Variants in AFF3 observed in about 807,000 individuals in gnomAD.
AFF3 encodes ALF transcription elongation factor 3.
Under a neutral mutation model 129.7 loss-of-function variants are expected in AFF3, and 32 were observed. That is an observed-to-expected ratio of 0.25 (90% CI 0.19 to 0.33). AFF3 has a LOEUF of 0.33. Among genes scored for constraint, AFF3 ranks in the 10% least tolerant of loss-of-function variants. The probability of loss-of-function intolerance (pLI) is 1.00; values close to 1 mark genes in which losing one functional copy is unlikely to be tolerated. For missense variants in AFF3, 1,373 were observed against 1,592.0 expected (o/e 0.86, Z 2.34); for synonymous variants, 644 against 635.4 (o/e 1.01, Z -0.20).
At chr2:99,791,827 CTTTTTTT>C (rs112734176) in intron 8 of AFF3, among the ~76,000 whole-genome samples, 4 of 141,428 alleles carry the variant, frequency 2.8e-5, no homozygotes, top group African/African-American at 1.0e-4. Flanking sequence ...TTGTGTTTTT[CTTTTTTT>C]TTTTTTTAAT....
intron 4 of AFF3, among the ~76,000 whole-genome samples, chr2:100,054,144 G>A (rs1686580578): frequency 6.6e-6 from 1 of 152,150 alleles, no homozygotes; most frequent in African/African-American, 2.4e-5. Context: ...GCTGTGGAGT[G>A]AGAAGACCTA....
intron 7 of AFF3, among the ~76,000 whole-genome samples, chr2:99,922,648 A>G (rs1695935983): frequency 6.6e-6 from 1 of 152,216 alleles, no homozygotes; most frequent in Non-Finnish European, 1.5e-5. Context: ...TGCATTCATC[A>G]CAACTGAGTG....
At chr2:100,015,428 GA>G (rs1682930543) in intron 4 of AFF3, among the ~76,000 whole-genome samples, 1 of 152,116 alleles carries the variant, frequency 6.6e-6, no homozygotes. Flanking sequence ...GGAGGAAGAA[GA>G]AAAGGCATAA....
intron 7 of AFF3, among the ~76,000 whole-genome samples, chr2:99,956,810 G>T (rs1209408827): frequency 6.6e-6 from 1 of 152,186 alleles, no homozygotes; most frequent in African/African-American, 2.4e-5. Context: ...GAGAGGAACA[G>T]AAAATGGAAT....
intron 13 of AFF3, among the ~76,000 whole-genome samples, chr2:99,606,495 C>A (rs1680348445): frequency 6.6e-6 from 1 of 151,802 alleles, no homozygotes; most frequent in East Asian, 1.9e-4. Flanking sequence ...AATAAGCGTT[C>A]ATGTGTGATT....
chr2:99,727,154 C>A, intron 10 of AFF3, 26 bp from the exon 11 acceptor site: 1 of 1,599,642 alleles, frequency 6.3e-7, no homozygotes, highest in Non-Finnish European at 8.5e-7. Context: ...GAAAAAAATA[C>A]CGACATATGA....
chr2:99,852,970 G>T (rs1029313217), intron 7 of AFF3, among the ~76,000 whole-genome samples: 1 of 151,912 alleles, frequency 6.6e-6, no homozygotes, highest in Non-Finnish European at 1.5e-5. Context: ...TAGCTTTATC[G>T]CAGCCATTTT....
intron 8 of AFF3, among the ~76,000 whole-genome samples, chr2:99,805,819 C>T (rs935507655): frequency 6.7e-4 from 100 of 150,054 alleles, no homozygotes; most frequent in African/African-American, 2.3e-3. Flanking sequence ...GTCTTACACA[C>T]ACACACACAC....
At chr2:99,846,276 C>G (rs1689717301) in intron 7 of AFF3, among the ~76,000 whole-genome samples, 1 of 152,128 alleles carries the variant, frequency 6.6e-6, no homozygotes, top group African/African-American at 2.4e-5. Flanking sequence ...ATTATAGGCA[C>G]CCACCACCAT....
chr2:99,620,960 T>C (rs1681943437), intron 13 of AFF3, among the ~76,000 whole-genome samples: 1 of 152,208 alleles, frequency 6.6e-6, no homozygotes, highest in Admixed American at 6.5e-5. Flanking sequence ...GCTGGTGCCA[T>C]GCTTCCAGTA....
At chr2:99,634,961 TCATACA>T (rs1683483582) in intron 13 of AFF3, among the ~76,000 whole-genome samples, 1 of 54,462 alleles carries the variant, frequency 1.8e-5, no homozygotes, top group South Asian at 8.3e-4. Context: ...CTGGATTCTG[TCATACA>T]CACACACACA....
At chr2:99,576,271 T>C (rs371707646) in intron 18 of AFF3, among the ~76,000 whole-genome samples, 100 of 151,502 alleles carry the variant, frequency 6.6e-4, no homozygotes, top group Middle Eastern at 6.8e-3. Context: ...GACCTAGTGA[T>C]TCACCTGCCC....
At chr2:99,938,249 C>T (rs956057089) in intron 7 of AFF3, among the ~76,000 whole-genome samples, 3 of 152,160 alleles carry the variant, frequency 2.0e-5, no homozygotes, top group Non-Finnish European at 4.4e-5. Context: ...ATAGGCAAGA[C>T]GGACATGCGC....
At chr2:99,796,340 T>C (rs1685557348) in intron 8 of AFF3, among the ~76,000 whole-genome samples, 1 of 152,202 alleles carries the variant, frequency 6.6e-6, no homozygotes, top group Non-Finnish European at 1.5e-5. Context: ...AACTCTTCAA[T>C]TTATTACATT....
At chr2:99,856,769 G>A (rs952797036) in intron 7 of AFF3, among the ~76,000 whole-genome samples, 22 of 152,016 alleles carry the variant, frequency 1.4e-4, no homozygotes, top group African/African-American at 5.3e-4. Context: ...TTTAAACCCA[G>A]GAACATGAGA....
chr2:99,746,328 T>C (rs1681154578), intron 9 of AFF3, among the ~76,000 whole-genome samples: 4 of 152,038 alleles, frequency 2.6e-5, no homozygotes, highest in Admixed American at 2.6e-4. Flanking sequence ...ATAGCTGTTA[T>C]GGGGTAAAGG....
chr2:99,943,131 G>A (rs1476233688), intron 7 of AFF3, among the ~76,000 whole-genome samples: 1 of 152,134 alleles, frequency 6.6e-6, no homozygotes, highest in African/African-American at 2.4e-5. Context: ...CAGTTCAAAA[G>A]GATCAACCCC....
chr2:99,739,146 T>TG (rs1430506407), intron 10 of AFF3, among the ~76,000 whole-genome samples: 1 of 151,696 alleles, frequency 6.6e-6, no homozygotes, highest in Non-Finnish European at 1.5e-5. Context: ...GATGGCCAGG[T>TG]GTTCCCATCA....
At chr2:99,754,132 CT>C (rs1360939938) in intron 8 of AFF3, among the ~76,000 whole-genome samples, 2 of 152,214 alleles carry the variant, frequency 1.3e-5, no homozygotes, top group African/African-American at 4.8e-5. Flanking sequence ...CATCTCTCCT[CT>C]ACAAGGTTTC....
Sources: allele counts gnomAD v4.1 joint callset (sites outside exome capture counted in the v4.1 genomes callset), GRCh38; gene constraint gnomAD v4.1.1; transcripts MANE v1.5; gene names NCBI Gene and HGNC (gene_info 2026-07-23, HGNC 2026-07-21).